MAML3: variants seen among roughly 807,000 people sequenced by gnomAD.
MAML3 encodes the protein mastermind-like protein 3.
In MAML3, 27 loss-of-function variants were observed where a neutral mutation model predicts 101.9. The ratio of observed to expected loss-of-function variants is 0.27; its 90% CI spans 0.20 to 0.37. The LOEUF (loss-of-function observed/expected upper bound fraction) is 0.37, where lower values mean the gene tolerates loss of function less well. Among genes scored for constraint, MAML3 ranks in the 10% least tolerant of loss-of-function variants. MAML3 has a pLI of 1.00. For synonymous variants in MAML3, 501 were observed against 555.9 expected, an observed-to-expected ratio of 0.90 and a Z score of 1.39; for missense variants, 1,316 against 1,444.9, an observed-to-expected ratio of 0.91 and a Z score of 1.45.
intron 1 of MAML3, among the ~76,000 whole-genome samples, chr4:140,042,400 C>T (rs983605356): frequency 5.9e-5 from 9 of 152,036 alleles, no homozygotes; most frequent in East Asian, 1.9e-4. Context: ...TTTGGGAGGC[C>T]GAGGCAGGCG....
chr4:139,893,981 G>A (rs1732554990), intron 1 of MAML3, among the ~76,000 whole-genome samples: 1 of 152,044 alleles, frequency 6.6e-6, no homozygotes. Flanking sequence ...GGAGAGAAAA[G>A]GCTTAGTGGT....
intron 1 of MAML3, among the ~76,000 whole-genome samples, chr4:139,926,831 C>T (rs1733272672): frequency 6.6e-6 from 1 of 152,174 alleles, no homozygotes; most frequent in Non-Finnish European, 1.5e-5. Flanking sequence ...CTACAGGCCT[C>T]ATTAGAACTT....
chr4:139,788,546 A>G (rs1270277192), intron 2 of MAML3, among the ~76,000 whole-genome samples: 2 of 152,172 alleles, frequency 1.3e-5, no homozygotes, highest in Non-Finnish European at 2.9e-5. Flanking sequence ...AAAGTTACCA[A>G]TAAGAGTGTG....
intron 1 of MAML3, 98 bp from the exon 2 acceptor site, chr4:139,891,065 G>T (rs1732486490): frequency 2.2e-6 from 3 of 1,344,908 alleles, no homozygotes; most frequent in Non-Finnish European, 3.0e-6. Flanking sequence ...CTTTTAAGTG[G>T]TTTACGACAC....
intron 1 of MAML3, among the ~76,000 whole-genome samples, chr4:140,104,079 A>G (rs1342445482): frequency 6.6e-6 from 1 of 151,742 alleles, no homozygotes; most frequent in Non-Finnish European, 1.5e-5. Context: ...AGAGATGATC[A>G]TCTGGTATTA....
At chr4:140,072,023 C>G (rs528013506) in intron 1 of MAML3, among the ~76,000 whole-genome samples, 5 of 152,268 alleles carry the variant, frequency 3.3e-5, no homozygotes, top group Admixed American at 6.5e-5. Context: ...ATCCAAAAAG[C>G]AACCACAAGT....
At chr4:139,930,412 G>C (rs553563200) in intron 1 of MAML3, among the ~76,000 whole-genome samples, 17 of 152,142 alleles carry the variant, frequency 1.1e-4, no homozygotes, top group Non-Finnish European at 2.2e-4. Context: ...GTGCAAAGAC[G>C]AAGAGGAACG....
At chr4:139,995,572 T>C (rs1734792808) in intron 1 of MAML3, among the ~76,000 whole-genome samples, 1 of 152,200 alleles carries the variant, frequency 6.6e-6, no homozygotes, top group Non-Finnish European at 1.5e-5. Context: ...GTGATGTGTA[T>C]CTTTTAGGAA....
intron 2 of MAML3, among the ~76,000 whole-genome samples, chr4:139,810,470 A>T (rs569166187): frequency 7.9e-5 from 12 of 152,200 alleles, no homozygotes; most frequent in African/African-American, 2.9e-4. Context: ...AATTACAGGC[A>T]TGGGACATCA....
intron 4 of MAML3, among the ~76,000 whole-genome samples, chr4:139,723,114 A>T (rs1312486423): frequency 6.6e-6 from 1 of 152,250 alleles, no homozygotes; most frequent in Middle Eastern, 3.2e-3. Context: ...TATCTATATG[A>T]GTGCGAAATA....
intron 1 of MAML3, among the ~76,000 whole-genome samples, chr4:139,966,515 T>C (rs554617919): frequency 6.6e-6 from 1 of 152,296 alleles, no homozygotes; most frequent in East Asian, 1.9e-4. Context: ...ATTCACTTGG[T>C]TTGTCTCTAG....
At chr4:139,879,384 G>A (rs775584520) in intron 2 of MAML3, among the ~76,000 whole-genome samples, 9 of 151,478 alleles carry the variant, frequency 5.9e-5, no homozygotes, top group Non-Finnish European at 1.3e-4. Flanking sequence ...AAATTAGTGG[G>A]GCATCATGGT....
Position 140,114,604 on chromosome 4 carries a change from G to A in MAML3, c.468+38256C>T, listed in dbSNP as rs983929992. Among the ~76,000 whole-genome samples, 11 of 152,176 alleles carry A rather than the reference G, an allele frequency of 7.2e-5. No individual in the cohort carries two copies. The South Asian group carries it at 1.2e-3, about 17-fold the overall frequency. On this transcript the variant is annotated intron_variant, in intron 1 of 4. Coordinates refer to ENST00000509479, the MANE Select transcript of MAML3 (RefSeq NM_018717.5). ...TCAATGTATTTCTCCCCAATAAGCC[G>A]GGTGTATACACGTATGTCTTTTAAG...
chr4:140,051,457 TGA>T (rs1727266663), intron 1 of MAML3, among the ~76,000 whole-genome samples: 1 of 151,692 alleles, frequency 6.6e-6, no homozygotes, highest in South Asian at 2.1e-4. Flanking sequence ...CTTGGGAGGC[TGA>T]GACAGGAGAA....
At chr4:140,095,084 T>C (rs1728134209) in intron 1 of MAML3, among the ~76,000 whole-genome samples, 1 of 152,214 alleles carries the variant, frequency 6.6e-6, no homozygotes, top group African/African-American at 2.4e-5. Flanking sequence ...GGGGCTGCCC[T>C]GACCCTGCCT....
intron 1 of MAML3, among the ~76,000 whole-genome samples, chr4:140,120,534 G>A (rs977227502): frequency 2.0e-5 from 3 of 152,134 alleles, no homozygotes; most frequent in Admixed American, 6.5e-5. Context: ...GTATCCAATC[G>A]TTAGGCATCA....
chr4:140,066,690 G>A (rs1727542373), intron 1 of MAML3, among the ~76,000 whole-genome samples: 1 of 152,210 alleles, frequency 6.6e-6, no homozygotes, highest in South Asian at 2.1e-4. Context: ...ACCAGAGGCA[G>A]GGAATATACA....
intron 2 of MAML3, among the ~76,000 whole-genome samples, chr4:139,813,066 A>G (rs1338430540): frequency 1.3e-5 from 2 of 151,552 alleles, no homozygotes; most frequent in East Asian, 3.8e-4. Context: ...CTTATAAATT[A>G]GAAATATAGT....
chr4:140,142,595 A>G (rs750010725), intron 1 of MAML3, among the ~76,000 whole-genome samples: 8 of 152,294 alleles, frequency 5.3e-5, no homozygotes, highest in Non-Finnish European at 1.2e-4. Context: ...TATCTATTAA[A>G]CCACAACCTG....
Sources: allele counts gnomAD v4.1 joint callset (sites outside exome capture counted in the v4.1 genomes callset), GRCh38; gene constraint gnomAD v4.1.1; transcripts MANE v1.5; gene names NCBI Gene and HGNC (gene_info 2026-07-23, HGNC 2026-07-21).